The following LHFPL3 variants were observed in gnomAD, a reference collection of about 807,000 sequenced individuals.
The protein encoded by LHFPL3 is LHFPL tetraspan subfamily member 3.
Under a neutral mutation model 19.3 loss-of-function variants are expected in LHFPL3, and 5 were observed. The ratio of observed to expected loss-of-function variants is 0.26; its 90% CI spans 0.14 to 0.54. The LOEUF (loss-of-function observed/expected upper bound fraction) is 0.54, where lower values mean the gene tolerates loss of function less well. LHFPL3 is among the 20% of genes least tolerant of loss of function. LHFPL3 has a pLI of 0.94. For synonymous variants in LHFPL3, 133 were observed against 126.2 expected (o/e 1.05, Z -0.36); for missense variants, 249 against 307.4 (o/e 0.81, Z 1.42).
intron 1 of LHFPL3, among the ~76,000 whole-genome samples, chr7:104,503,533 T>A (rs1793641012): frequency 1.3e-5 from 2 of 152,288 alleles, no homozygotes; most frequent in South Asian, 4.1e-4. Context: ...CATAGTTGGA[T>A]CATTTCCATG....
chr7:104,445,734 A>G (rs890455520), intron 1 of LHFPL3, among the ~76,000 whole-genome samples: 6 of 152,236 alleles, frequency 3.9e-5, no homozygotes, highest in Non-Finnish European at 7.3e-5. Flanking sequence ...AGTTGAAGAT[A>G]CGCAACTAAG....
At chr7:104,436,969 T>A (rs1339072205) in intron 1 of LHFPL3, among the ~76,000 whole-genome samples, 1 of 152,220 alleles carries the variant, frequency 6.6e-6, no homozygotes, top group Non-Finnish European at 1.5e-5. Context: ...TATCTCCATA[T>A]GTTTATCTTT....
chr7:104,467,636 G>A (rs915422427), intron 1 of LHFPL3, among the ~76,000 whole-genome samples: 5 of 152,172 alleles, frequency 3.3e-5, no homozygotes, highest in African/African-American at 1.2e-4. Context: ...ACTGCATATA[G>A]ATGCGTATTC....
chr7:104,458,810 A>G (rs1792601799), intron 1 of LHFPL3, among the ~76,000 whole-genome samples: 1 of 151,976 alleles, frequency 6.6e-6, no homozygotes, highest in Non-Finnish European at 1.5e-5. Flanking sequence ...ACATTCTCAA[A>G]CTATGTTTCT....
intron 1 of LHFPL3, among the ~76,000 whole-genome samples, chr7:104,574,482 C>T (rs1790285275): frequency 6.6e-6 from 1 of 152,178 alleles, no homozygotes; most frequent in African/African-American, 2.4e-5. Context: ...TTGGCAAATG[C>T]TAAATCTGTG....
intron 1 of LHFPL3, among the ~76,000 whole-genome samples, chr7:104,329,555 G>T (rs567778690): frequency 1.4e-4 from 22 of 152,376 alleles, no homozygotes; most frequent in African/African-American, 5.3e-4. Context: ...CGCTTAGAGA[G>T]ATGGGGCCGG....
intron 2 of LHFPL3, among the ~76,000 whole-genome samples, chr7:104,835,482 T>G (rs1791072933): frequency 6.6e-6 from 1 of 151,926 alleles, no homozygotes; most frequent in African/African-American, 2.4e-5. Flanking sequence ...TCTATTCATT[T>G]CACTCAGTAA....
intron 1 of LHFPL3, among the ~76,000 whole-genome samples, chr7:104,510,853 A>T (rs1793797597): frequency 6.6e-6 from 1 of 152,160 alleles, no homozygotes; most frequent in Non-Finnish European, 1.5e-5. Flanking sequence ...AAATAATGAG[A>T]ATACATGGAC....
chr7:104,647,688 A>G (rs1017657562), intron 1 of LHFPL3, among the ~76,000 whole-genome samples: 3 of 152,370 alleles, frequency 2.0e-5, no homozygotes, highest in Non-Finnish European at 2.9e-5. Context: ...TTCACAGTGC[A>G]CAAATCTCAA....
chr7:104,740,106 A>G (rs1180931097), intron 2 of LHFPL3, among the ~76,000 whole-genome samples: 3 of 152,118 alleles, frequency 2.0e-5, no homozygotes, highest in Non-Finnish European at 4.4e-5. Context: ...CCCCGCTGGC[A>G]CTTCTCTCTC....
chr7:104,452,606 C>A (rs1792462736), intron 1 of LHFPL3, among the ~76,000 whole-genome samples: 1 of 151,988 alleles, frequency 6.6e-6, no homozygotes, highest in African/African-American at 2.4e-5. Flanking sequence ...GATAGACGAC[C>A]TTTTCATATG....
chr7:104,473,407 G>T (rs1331229831), intron 1 of LHFPL3, among the ~76,000 whole-genome samples: 3 of 152,320 alleles, frequency 2.0e-5, no homozygotes, highest in Admixed American at 6.5e-5. Context: ...CAAATGGCAT[G>T]CAGGTTGCCT....
At chr7:104,479,573 G>T (rs577911372) in intron 1 of LHFPL3, among the ~76,000 whole-genome samples, 1 of 152,168 alleles carries the variant, frequency 6.6e-6, no homozygotes, top group African/African-American at 2.4e-5. Flanking sequence ...TGTATTTTTA[G>T]TAGAGACGGC....
intron 1 of LHFPL3, among the ~76,000 whole-genome samples, chr7:104,452,118 A>G (rs1792450130): frequency 6.6e-6 from 1 of 152,196 alleles, no homozygotes; most frequent in South Asian, 2.1e-4. Flanking sequence ...TCACCGAGAA[A>G]TAGCCACTGC....
intron 1 of LHFPL3, among the ~76,000 whole-genome samples, chr7:104,733,085 G>A (rs1036458433): frequency 6.6e-6 from 1 of 152,200 alleles, no homozygotes; most frequent in East Asian, 1.9e-4. Context: ...TGTGTTCTAA[G>A]AGACAGTTTG....
chr7:104,575,754 C>T (rs1790327119), intron 1 of LHFPL3, among the ~76,000 whole-genome samples: 1 of 151,914 alleles, frequency 6.6e-6, no homozygotes, highest in Non-Finnish European at 1.5e-5. Context: ...TCAGGTGATC[C>T]TCCCACCTCA....
rs1382454002 is a variant in LHFPL3 at position 104,871,182 on chromosome 7, T to C, written c.683-35005T>C. Among the ~76,000 whole-genome samples the C allele has an allele frequency of 2.0e-5, 3 of 152,376 alleles. No individual in the cohort carries two copies. In the East Asian group the frequency reaches 5.8e-4, roughly 29 times the overall value. Reference sequence around the variant, plus strand: ...ACACAGACATAGACGGTCTAGTCTATTGCACACCTAGGCTTTATGGTATAG... The same window carrying C: ...ACACAGACATAGACGGTCTAGTCTACTGCACACCTAGGCTTTATGGTATAG... On this transcript the variant is annotated intron_variant, in intron 2 of 2. Coordinates refer to ENST00000424859, the MANE Select transcript of LHFPL3 (RefSeq NM_199000.3).
At chr7:104,852,584 G>C (rs1372489145) in intron 2 of LHFPL3, among the ~76,000 whole-genome samples, 1 of 152,216 alleles carries the variant, frequency 6.6e-6, no homozygotes, top group Non-Finnish European at 1.5e-5. Flanking sequence ...CCTGTCCTTT[G>C]CTCCTGCCCC....
intron 1 of LHFPL3, among the ~76,000 whole-genome samples, chr7:104,467,152 G>A (rs34595826): frequency 0.18 from 27,593 of 152,122 alleles, 2,532 homozygotes; most frequent in African/African-American, 0.22. Flanking sequence ...GGCATAGTCA[G>A]TGACATCGAG....
Sources: allele counts gnomAD v4.1 joint callset (sites outside exome capture counted in the v4.1 genomes callset), GRCh38; gene constraint gnomAD v4.1.1; transcripts MANE v1.5; gene names NCBI Gene and HGNC (gene_info 2026-07-23, HGNC 2026-07-21).